Variants in ALDH1L1 observed in about 807,000 individuals in gnomAD.
ALDH1L1 encodes the protein aldehyde dehydrogenase 1 family member L1.
ALDH1L1 carries 68 observed loss-of-function variants against 101.1 expected under a neutral mutation model. That is an observed-to-expected ratio of 0.67 (90% CI 0.55 to 0.82). The LOEUF (loss-of-function observed/expected upper bound fraction) is 0.82. Among genes scored for constraint, ALDH1L1 ranks in the 40% least tolerant of loss-of-function variants. The pLI is 0.00. For missense variants in ALDH1L1, 1,087 were observed against 1,172.7 expected, an observed-to-expected ratio of 0.93 and a Z score of 1.07; for synonymous variants, 486 against 470.8, an observed-to-expected ratio of 1.03 and a Z score of -0.42.
At chr3:126,114,715 AC>A in intron 17 of ALDH1L1, 59 bp from the exon 18 acceptor site, 1 of 1,521,544 alleles carries the variant, frequency 6.6e-7, no homozygotes, top group Non-Finnish European at 9.1e-7. Flanking sequence ...GGGCATTGGG[AC>A]CCCAGGTGGC....
Position 126,125,639 on chromosome 3 carries a change from T to C in ALDH1L1, c.1777A>G (p.Thr593Ala). 2 of 1,597,428 alleles carry C rather than the reference T, an allele frequency of 1.3e-6. No individual in the cohort carries two copies. Among genetic ancestry groups the C allele is most frequent in the Non-Finnish European group, 1.7e-6 (2 of 1,171,066 alleles). The stretch of plus-strand genomic sequence containing the variant: ...ACCTGAGCAGGCTTGATCACCACTG[T>C]GTTCCCGGCAGCCAGGCAGGCAGCT... ...KTAACLAAGN[T>A]VVIKPAQVTP... The change falls in exon 15 of 23, where the codon ACA becomes GCA. Residue 593 changes from threonine (T) to alanine (A), a missense_variant. Physicochemically the swap from Thr to Ala is moderately conservative, Grantham distance 58. This residue lies in a region of ALDH1L1 where 442 missense variants were observed against 535.7 expected (regional missense o/e 0.83). Transcript: ENST00000393434.
At position 126,103,759 on chromosome 3, in the gene ALDH1L1, G is replaced by A. The variant is rs1320821539; in HGVS notation, c.*32C>T. 10 of 1,609,944 alleles carry A rather than the reference G, an allele frequency of 6.2e-6. No homozygotes were observed. The African/African-American group carries it at 1.1e-4, about 17-fold the overall frequency. On this transcript the variant is annotated 3_prime_UTR_variant, in exon 23 of 23. Coordinates refer to ENST00000393434, the MANE Select transcript of ALDH1L1 (RefSeq NM_012190.4). The stretch of plus-strand genomic sequence containing the variant: ...GAGGGGGCCCCAGCCACGAGGGAGG[G>A]GCAGGGACTTTCTTCTCACAAAGAC...
chr3:126,106,550 G>A (rs548242822), intron 21 of ALDH1L1, among the ~76,000 whole-genome samples: 91 of 152,254 alleles, frequency 6.0e-4, no homozygotes, highest in African/African-American at 2.1e-3. Flanking sequence ...TCAACAGGCC[G>A]TGGTGGAAGG....
chr3:126,163,050 G>A (rs1225884982), intron 1 of ALDH1L1, among the ~76,000 whole-genome samples: 1 of 152,176 alleles, frequency 6.6e-6, no homozygotes, highest in Admixed American at 6.5e-5. Flanking sequence ...TTGTAGTGGT[G>A]AAGATACATA....
chr3:126,129,421 T>A (rs1485337810), intron 14 of ALDH1L1: 1 of 152,474 alleles, frequency 6.6e-6, no homozygotes, highest in Non-Finnish European at 1.5e-5. Context: ...AGCTGGGCCC[T>A]GCTCCCAGGT....
At chr3:126,129,478 G>A (rs554462999) in intron 14 of ALDH1L1, 1 of 152,718 alleles carries the variant, frequency 6.5e-6, no homozygotes, top group East Asian at 1.9e-4. Context: ...GCGCAGTGAG[G>A]GTGGACCCAG....
At chr3:126,167,419 C>T (rs1342724417) in intron 1 of ALDH1L1, among the ~76,000 whole-genome samples, 3 of 152,100 alleles carry the variant, frequency 2.0e-5, no homozygotes, top group Non-Finnish European at 4.4e-5. Context: ...AAAAAGTTGT[C>T]TTCATTGTAC....
chr3:126,183,253 G>A (rs374815500), upstream of ALDH1L1, among the ~76,000 whole-genome samples: 4 of 152,236 alleles, frequency 2.6e-5, no homozygotes, highest in African/African-American at 2.4e-5. Context: ...TCAAAGAGAT[G>A]TGTGGGTTTG....
chr3:126,105,772 G>C lies in ALDH1L1; in HGVS notation c.2607C>G (p.Ala869=). The change falls in exon 22 of 23, where the codon GCC becomes GCG. Residue 869 remains alanine, a synonymous_variant. Coordinates refer to ENST00000393434, the MANE Select transcript of ALDH1L1 (RefSeq NM_012190.4). ...ACTGTTTGAATCCTCCGAAGGGAGC[G>C]GCCACGTCGGTCTTGTTGTACGTGT... ...FVNTYNKTDV[A]APFGGFKQSG... is the part of the protein sequence containing the mutation. The C allele has an allele frequency of 6.8e-6, 11 of 1,614,160 alleles. No homozygotes were observed. Among genetic ancestry groups the C allele is most frequent in the Non-Finnish European group, 9.3e-6 (11 of 1,180,038 alleles).
intron 17 of ALDH1L1, chr3:126,115,432 C>T (rs947801002): frequency 5.6e-6 from 1 of 179,310 alleles, no homozygotes; most frequent in African/African-American, 2.4e-5. Context: ...AAGAAGAAAG[C>T]AGCAGAACCA....
At position 126,105,933 on chromosome 3, in the gene ALDH1L1, G is replaced by GA; in HGVS notation, c.2454-9dup. On this transcript the variant is annotated splice_polypyrimidine_tract_variant and intron_variant, in intron 21 of 22. Coordinates refer to ENST00000393434, the MANE Select transcript of ALDH1L1 (RefSeq NM_012190.4). ...AGCACGGCATCCAAGTCCCTGGAGA[G>GA]AAAGTCCAGGAAGAACTCCCTGAGG... The GA allele has an allele frequency of 6.2e-7, 1 of 1,610,778 alleles. No homozygotes were observed. The highest frequency in any genetic ancestry group is 8.5e-7 in the Non-Finnish European group (1 of 1,177,358).
chr3:126,170,534 C>A (rs1431224938), intron 1 of ALDH1L1, among the ~76,000 whole-genome samples: 1 of 151,616 alleles, frequency 6.6e-6, no homozygotes, highest in Non-Finnish European at 1.5e-5. Context: ...TAACCTTTAT[C>A]AAAAATTTTT....
In ALDH1L1 at chr3:126,158,562, C is replaced by A. The variant is rs1384177838; in HGVS notation, c.205G>T (p.Val69Leu). ...CCCAAAGCCTGGTATTTTGCCACCA[C>A]ATCAGGCAAAGCCTGTCCTTTTGCA... ...WRAKGQALPD[V>L]VAKYQALGAE... Residue 69 changes from valine (V) to leucine (L), a missense_variant, in exon 3 of 23, where the codon GTG becomes TTG. Transcript: ENST00000393434. 6.2e-7 allele frequency: 1 copy of A among 1,614,132 alleles called. No individual in the cohort carries two copies.
At chr3:126,168,566 T>C (rs1159296572) in intron 1 of ALDH1L1, among the ~76,000 whole-genome samples, 1 of 152,112 alleles carries the variant, frequency 6.6e-6, no homozygotes, top group Non-Finnish European at 1.5e-5. Context: ...TTAACGGTAA[T>C]CTAAAATTCT....
chr3:126,138,081 C>A, intron 9 of ALDH1L1, 121 bp from the exon 10 acceptor site: 2 of 1,287,608 alleles, frequency 1.6e-6, no homozygotes, highest in South Asian at 2.9e-5. Flanking sequence ...CGAGAGGTAG[C>A]CATGAGCCCA....
chr3:126,163,518 T>A (rs1053059186), intron 1 of ALDH1L1, among the ~76,000 whole-genome samples: 1 of 152,220 alleles, frequency 6.6e-6, no homozygotes, highest in African/African-American at 2.4e-5. Context: ...TCCTGTGACC[T>A]TGGGAAGAAA....
At chr3:126,190,852 G>A (rs1177688356) in intron 1 of ALDH1L1, among the ~76,000 whole-genome samples, 2 of 152,074 alleles carry the variant, frequency 1.3e-5, no homozygotes, top group African/African-American at 4.8e-5. Flanking sequence ...TACTTCTAAA[G>A]TATATCTGCT....
Position 126,115,411 on chromosome 3 carries a change from G to A in ALDH1L1, c.1983-755C>T, listed in dbSNP as rs145456592. The A allele has an allele frequency of 3.0e-4, 58 of 193,810 alleles. 1 individual carries two copies. The East Asian group carries it at 7.5e-3, about 25-fold the overall frequency. 12.0% of individuals were successfully genotyped at this position (193,810 alleles called of 1,614,324 possible). The stretch of plus-strand genomic sequence containing the variant: ...TCTCAGCTGCAGGTCTGTGTGACAC[G>A]GCTGCCTGGGAAGAAGAAAGCAGCA... On this transcript the variant is annotated intron_variant, in intron 17 of 22. Transcript: ENST00000393434.
intron 8 of ALDH1L1, among the ~76,000 whole-genome samples, 193 bp from the exon 9 acceptor site, chr3:126,147,119 C>CTGCCACA (rs2080708975): frequency 2.6e-5 from 4 of 152,338 alleles, no homozygotes; most frequent in African/African-American, 9.6e-5. Flanking sequence ...AAAGAAGGAG[C>CTGCCACA]TGCCACATCC....
Sources: allele counts gnomAD v4.1 joint callset (sites outside exome capture counted in the v4.1 genomes callset), GRCh38; gene constraint gnomAD v4.1.1; regional missense constraint gnomAD v4.1.1; transcripts MANE v1.5; gene names NCBI Gene and HGNC (gene_info 2026-07-23, HGNC 2026-07-21).